CSMD1: variants seen among roughly 807,000 people sequenced by gnomAD.
CSMD1 encodes CUB and sushi domain-containing protein 1.
Under a neutral mutation model 417.5 loss-of-function variants are expected in CSMD1, and 213 were observed. The ratio of observed to expected loss-of-function variants is 0.51; its 90% CI spans 0.46 to 0.57. The LOEUF is 0.57. CSMD1 is among the 20% of genes least tolerant of loss of function. CSMD1 has a pLI of 0.00. For synonymous variants in CSMD1, 2,862 were observed against 1,736.8 expected (o/e 1.65, Z -16.11); for missense variants, 6,923 against 4,529.7 (o/e 1.53, Z -15.17).
rs1276853532 is a variant in CSMD1, at chr8:3,812,612, G to GA, written c.819-58571dup. ...ACTTACGCTATAAAGGGCCAAAATG[G>GA]AAAATACATTGACTGACAAATCTGT... On this transcript the variant is annotated intron_variant, in intron 5 of 69. Transcript: ENST00000635120. 2.6e-5 allele frequency among the ~76,000 whole-genome samples: 4 copies of GA among 152,126 alleles called. No individual in the cohort carries two copies. The South Asian group carries it at 6.2e-4, about 24-fold the overall frequency.
chr8:3,430,392 G>A (rs1212467709), intron 12 of CSMD1, among the ~76,000 whole-genome samples: 1 of 152,062 alleles, frequency 6.6e-6, no homozygotes, highest in Non-Finnish European at 1.5e-5. Context: ...AGCTGTATCT[G>A]TCTTCTGTTT....
At chr8:3,225,564 G>A (rs925738835) in intron 27 of CSMD1, among the ~76,000 whole-genome samples, 21 of 152,160 alleles carry the variant, frequency 1.4e-4, no homozygotes, top group African/African-American at 4.8e-4. Context: ...TGAAGGTCTA[G>A]AAGATTCTAC....
chr8:3,466,543 G>A (rs1816799098), intron 12 of CSMD1, among the ~76,000 whole-genome samples: 1 of 150,772 alleles, frequency 6.6e-6, no homozygotes, highest in South Asian at 2.1e-4. Flanking sequence ...CTGTGTATCT[G>A]GGATTACAGG....
chr8:4,863,108 G>T (rs949447224), intron 1 of CSMD1, among the ~76,000 whole-genome samples: 1 of 151,972 alleles, frequency 6.6e-6, no homozygotes, highest in Non-Finnish European at 1.5e-5. Flanking sequence ...CAGTGGCTAG[G>T]ATCATGAAAA....
chr8:3,403,732 T>A (rs1238747663), intron 15 of CSMD1, among the ~76,000 whole-genome samples: 1 of 152,218 alleles, frequency 6.6e-6, no homozygotes, highest in Non-Finnish European at 1.5e-5. Flanking sequence ...CAGTGAAATA[T>A]GCTTGGCTAG....
chr8:4,843,498 A>C (rs975510789), intron 1 of CSMD1, among the ~76,000 whole-genome samples: 3 of 152,310 alleles, frequency 2.0e-5, no homozygotes, highest in Admixed American at 2.0e-4. Context: ...AGTAGCAAAG[A>C]CTAATCGATC....
At chr8:3,959,928 C>T (rs1370499836) in intron 5 of CSMD1, among the ~76,000 whole-genome samples, 2 of 152,192 alleles carry the variant, frequency 1.3e-5, no homozygotes, top group Non-Finnish European at 2.9e-5. Flanking sequence ...CCCTGAAGCC[C>T]TGTACTAGCC....
chr8:3,832,706 C>A (rs191822362), intron 5 of CSMD1, among the ~76,000 whole-genome samples: 5 of 152,018 alleles, frequency 3.3e-5, no homozygotes, highest in African/African-American at 1.2e-4. Flanking sequence ...TATTTCAGAA[C>A]GAAACAAAAA....
At chr8:3,577,901 T>A (rs1359177490) in intron 9 of CSMD1, among the ~76,000 whole-genome samples, 1 of 152,186 alleles carries the variant, frequency 6.6e-6, no homozygotes, top group Non-Finnish European at 1.5e-5. Context: ...TACCGTAAGT[T>A]CAGCCGTGCA....
At chr8:3,094,895 T>A (rs563483959) in intron 47 of CSMD1, among the ~76,000 whole-genome samples, 1 of 151,730 alleles carries the variant, frequency 6.6e-6, no homozygotes, top group Non-Finnish European at 1.5e-5. Flanking sequence ...AAAAACATAT[T>A]CACATAAAAC....
intron 1 of CSMD1, among the ~76,000 whole-genome samples, chr8:4,988,711 G>T (rs1189314310): frequency 6.6e-6 from 1 of 152,192 alleles, no homozygotes; most frequent in Non-Finnish European, 1.5e-5. Flanking sequence ...AGCACTGATG[G>T]CATTTTCCTC....
At chr8:3,317,898 C>T (rs1252299278) in intron 23 of CSMD1, among the ~76,000 whole-genome samples, 1 of 152,168 alleles carries the variant, frequency 6.6e-6, no homozygotes, top group Non-Finnish European at 1.5e-5. Context: ...ACAGCCTTGA[C>T]CTAGCAGGCT....
chr8:3,806,497 A>T (rs991522705), intron 5 of CSMD1, among the ~76,000 whole-genome samples: 2 of 152,178 alleles, frequency 1.3e-5, no homozygotes, highest in African/African-American at 2.4e-5. Flanking sequence ...AAAAGAACCA[A>T]CACAGAGCCA....
chr8:4,544,049 G>T lies in CSMD1; in HGVS notation c.302+93293C>A, dbSNP rs1337156645. On this transcript the variant is annotated intron_variant, in intron 2 of 69. Coordinates refer to ENST00000635120, the MANE Select transcript of CSMD1 (RefSeq NM_033225.6). Reference sequence around the variant, plus strand: ...GGCCCTTTATCAGAAATCCGTTTTTGCAATTACTTTTCCCAGTCTGTGGCT... The same window carrying T: ...GGCCCTTTATCAGAAATCCGTTTTTTCAATTACTTTTCCCAGTCTGTGGCT... Among the ~76,000 whole-genome samples the T allele has an allele frequency of 2.6e-5, 4 of 152,106 alleles. No homozygotes were observed. In the East Asian group the frequency reaches 7.8e-4, roughly 29 times the overall value.
intron 23 of CSMD1, among the ~76,000 whole-genome samples, chr8:3,314,870 C>G (rs1362580617): frequency 6.6e-6 from 1 of 152,152 alleles, no homozygotes; most frequent in Non-Finnish European, 1.5e-5. Context: ...AGACTTAATC[C>G]ATTTTATACA....
chr8:4,811,566 A>G (rs528433623), intron 1 of CSMD1, among the ~76,000 whole-genome samples: 5 of 152,278 alleles, frequency 3.3e-5, no homozygotes, highest in Non-Finnish European at 5.9e-5. Context: ...AAAAATAAAC[A>G]CATGTGAGGC....
At chr8:4,474,339 G>T (rs1294676628) in intron 2 of CSMD1, among the ~76,000 whole-genome samples, 1 of 152,146 alleles carries the variant, frequency 6.6e-6, no homozygotes, top group Non-Finnish European at 1.5e-5. Flanking sequence ...GACATTATAA[G>T]GAAGATTTTA....
chr8:3,300,878 G>C (rs1201307967), intron 25 of CSMD1, among the ~76,000 whole-genome samples: 2 of 137,922 alleles, frequency 1.5e-5, no homozygotes, highest in African/African-American at 5.4e-5. Context: ...AGAATTGCTT[G>C]AACCCAGGAG....
intron 3 of CSMD1, among the ~76,000 whole-genome samples, chr8:4,077,452 TATC>T (rs1563093111): frequency 6.6e-6 from 1 of 151,800 alleles, no homozygotes; most frequent in Non-Finnish European, 1.5e-5. Flanking sequence ...ATCCTATACA[TATC>T]ATTACTCTTA....
Sources: allele counts gnomAD v4.1 joint callset (sites outside exome capture counted in the v4.1 genomes callset), GRCh38; gene constraint gnomAD v4.1.1; transcripts MANE v1.5; gene names NCBI Gene and HGNC (gene_info 2026-07-23, HGNC 2026-07-21).